Variants in ADCY8 observed in about 807,000 individuals in gnomAD.
ADCY8 encodes adenylate cyclase 8, also known as adenylate cyclase type 8.
ADCY8 carries 51 observed loss-of-function variants against 119.7 expected under a neutral mutation model. That is an observed-to-expected ratio of 0.43 (90% CI 0.34 to 0.54). The LOEUF is 0.54. ADCY8 is among the 20% of genes least tolerant of loss of function. The pLI is 0.03. For missense variants in ADCY8, 1,383 were observed against 1,598.8 expected, an observed-to-expected ratio of 0.87 and a Z score of 2.30; for synonymous variants, 665 against 651.0, an observed-to-expected ratio of 1.02 and a Z score of -0.33.
intron 9 of ADCY8, among the ~76,000 whole-genome samples, chr8:130,855,360 C>T (rs892048726): frequency 6.6e-6 from 1 of 152,096 alleles, no homozygotes; most frequent in Non-Finnish European, 1.5e-5. Context: ...TACCCAATTC[C>T]CACAGCATAT....
At chr8:130,982,797 A>G (rs1276022479) in intron 2 of ADCY8, among the ~76,000 whole-genome samples, 1 of 152,260 alleles carries the variant, frequency 6.6e-6, no homozygotes, top group Non-Finnish European at 1.5e-5. Context: ...TCAACATTCA[A>G]TTAGTTTGTA....
intron 2 of ADCY8, among the ~76,000 whole-genome samples, chr8:130,960,860 T>C (rs1430684284): frequency 6.6e-6 from 1 of 152,204 alleles, no homozygotes; most frequent in Non-Finnish European, 1.5e-5. Flanking sequence ...TTGGAGGATA[T>C]GAATCTGTAT....
chr8:130,807,012 A>G (rs1037014398), intron 14 of ADCY8, among the ~76,000 whole-genome samples: 57 of 152,344 alleles, frequency 3.7e-4, no homozygotes, highest in African/African-American at 1.4e-3. Context: ...AAATATAAAA[A>G]CACTTTGTAA....
intron 12 of ADCY8, among the ~76,000 whole-genome samples, chr8:130,824,632 C>T (rs1816619378): frequency 6.6e-6 from 1 of 152,198 alleles, no homozygotes; most frequent in African/African-American, 2.4e-5. Flanking sequence ...TGATGTTGGA[C>T]AAATGTTATT....
chr8:130,888,334 T>G (rs1015177854), intron 7 of ADCY8, among the ~76,000 whole-genome samples: 10 of 152,042 alleles, frequency 6.6e-5, no homozygotes, highest in African/African-American at 2.2e-4. Context: ...ATTTGGGATG[T>G]CAGATTGAAG....
At chr8:130,850,584 A>C (rs1250463343) in intron 9 of ADCY8, among the ~76,000 whole-genome samples, 1 of 152,138 alleles carries the variant, frequency 6.6e-6, no homozygotes, top group Admixed American at 6.6e-5. Context: ...CTACACTGGC[A>C]GCTCTAATTT....
At chr8:131,030,759 C>T (rs542389585) in intron 1 of ADCY8, among the ~76,000 whole-genome samples, 38 of 152,280 alleles carry the variant, frequency 2.5e-4, no homozygotes, top group African/African-American at 8.4e-4. Context: ...ATAGTTATTC[C>T]ACCTTTCATT....
At chr8:130,961,284 A>T (rs1821595795) in intron 2 of ADCY8, among the ~76,000 whole-genome samples, 1 of 151,840 alleles carries the variant, frequency 6.6e-6, no homozygotes, top group Admixed American at 6.6e-5. Context: ...AATTTTTTGT[A>T]TTTTTAGTAG....
At chr8:131,004,398 C>G (rs977430595) in intron 1 of ADCY8, among the ~76,000 whole-genome samples, 5 of 152,220 alleles carry the variant, frequency 3.3e-5, no homozygotes, top group Non-Finnish European at 5.9e-5. Flanking sequence ...CTGGCATGCT[C>G]TTTCTGCAGC....
intron 9 of ADCY8, among the ~76,000 whole-genome samples, chr8:130,859,052 G>A (rs1011375455): frequency 3.0e-4 from 45 of 152,010 alleles, no homozygotes; most frequent in African/African-American, 1.1e-3. Context: ...AAGGAGCCCT[G>A]GTTCCTTTTA....
intron 1 of ADCY8, among the ~76,000 whole-genome samples, chr8:131,004,307 G>T (rs1293716331): frequency 1.3e-5 from 2 of 152,076 alleles, no homozygotes; most frequent in Non-Finnish European, 2.9e-5. Flanking sequence ...ATCTTTCTTT[G>T]TTCTGCCCCT....
chr8:130,887,523 G>GT lies in ADCY8; in HGVS notation c.1912-2763dup, dbSNP rs572620666. Reference sequence around the variant, plus strand: ...ATGCAGGTAGTCAATTTTCAGTGATGTTTTTTCTGATTATTTCCTCTGTCA... The same window carrying GT: ...ATGCAGGTAGTCAATTTTCAGTGATGTTTTTTTCTGATTATTTCCTCTGTCA... On this transcript the variant is annotated intron_variant, in intron 7 of 17. Transcript: ENST00000286355. 5.8e-4 allele frequency among the ~76,000 whole-genome samples: 89 copies of GT among 152,208 alleles called. 1 individual carries two copies. In the East Asian group the frequency reaches 0.014, roughly 24 times the overall value.
At chr8:130,917,816 CTTTTA>C (rs1820175945) in intron 5 of ADCY8, among the ~76,000 whole-genome samples, 1 of 151,166 alleles carries the variant, frequency 6.6e-6, no homozygotes, top group African/African-American at 2.4e-5. Context: ...ATTGGTGCTT[CTTTTA>C]TTCCCGTTAA....
chr8:130,974,340 C>T (rs1220188434), intron 2 of ADCY8, among the ~76,000 whole-genome samples: 2 of 152,168 alleles, frequency 1.3e-5, no homozygotes, highest in African/African-American at 4.8e-5. Context: ...TGATGAGATC[C>T]AGCTGGAATG....
At chr8:131,018,056 T>C (rs1422279027) in intron 1 of ADCY8, among the ~76,000 whole-genome samples, 1 of 152,218 alleles carries the variant, frequency 6.6e-6, no homozygotes, top group Non-Finnish European at 1.5e-5. Flanking sequence ...TTACGGGTAA[T>C]TGAGGGAGTT....
rs140133390 is a variant in ADCY8 at position 130,940,151 on chromosome 8, A to T, written c.1354-2951T>A. On this transcript the variant is annotated intron_variant, in intron 4 of 17. Coordinates refer to ENST00000286355, the MANE Select transcript of ADCY8 (RefSeq NM_001115.3). The stretch of plus-strand genomic sequence containing the variant: ...AGGACCACTTTCTAAGTCACGTGTC[A>T]TCTTACGGATGGGAACAGCAGGCTT... 9.8e-4 allele frequency among the ~76,000 whole-genome samples: 150 copies of T among 152,360 alleles called. 1 individual carries two copies. The highest frequency in any genetic ancestry group is 3.5e-3 in the African/African-American group (147 of 41,584).
chr8:130,954,415 C>T (rs570543207), intron 2 of ADCY8, among the ~76,000 whole-genome samples: 3 of 152,234 alleles, frequency 2.0e-5, no homozygotes, highest in East Asian at 3.9e-4. Context: ...TAAGGCTATC[C>T]CATGGATTCT....
chr8:130,884,010 G>A (rs1818880720), intron 8 of ADCY8, among the ~76,000 whole-genome samples: 1 of 150,160 alleles, frequency 6.7e-6, no homozygotes, highest in African/African-American at 2.5e-5. Flanking sequence ...TAGCAAGAAA[G>A]TGGCAGAGGT....
chr8:130,957,335 T>TGA (rs1022170912), intron 2 of ADCY8, among the ~76,000 whole-genome samples: 9 of 152,126 alleles, frequency 5.9e-5, no homozygotes, highest in African/African-American at 2.2e-4. Context: ...AATTTGAACT[T>TGA]GAGAGAAATG....
Sources: allele counts gnomAD v4.1 joint callset (sites outside exome capture counted in the v4.1 genomes callset), GRCh38; gene constraint gnomAD v4.1.1; transcripts MANE v1.5; gene names NCBI Gene and HGNC (gene_info 2026-07-23, HGNC 2026-07-21).